SCFD2: variants seen among roughly 807,000 people sequenced by gnomAD.
SCFD2 encodes sec1 family domain-containing protein 2.
A neutral mutation model predicts 58.9 loss-of-function variants in SCFD2; 54 were observed. The observed-to-expected ratio is 0.92, with a 90% CI of 0.74 to 1.15. SCFD2 has a LOEUF of 1.15. Ranked by LOEUF, SCFD2 falls within the 50% of genes most tolerant of loss-of-function variation. The probability of loss-of-function intolerance (pLI) is 0.00; values close to 1 mark genes in which losing one functional copy is unlikely to be tolerated. For synonymous variants in SCFD2, 321 were observed against 335.9 expected (o/e 0.96, Z 0.49); for missense variants, 805 against 836.6 (o/e 0.96, Z 0.47).
chr4:53,343,389 C>A (rs1733948059), intron 2 of SCFD2, among the ~76,000 whole-genome samples: 1 of 152,112 alleles, frequency 6.6e-6, no homozygotes. Flanking sequence ...TACACCCTCC[C>A]AAGACTAAAC....
At position 53,282,933 on chromosome 4, in the gene SCFD2, T is replaced by C. The variant is rs372570510; in HGVS notation, c.1136-8932A>G. On this transcript the variant is annotated intron_variant, in intron 3 of 8. Coordinates refer to ENST00000401642, the MANE Select transcript of SCFD2 (RefSeq NM_152540.4). Reference sequence around the variant, plus strand: ...TCCCACCTCGATAAGAGGCTTTTCTTGGAATATCTGAAAAGGCTCTGAGCA... The same window carrying C: ...TCCCACCTCGATAAGAGGCTTTTCTCGGAATATCTGAAAAGGCTCTGAGCA... Among the ~76,000 whole-genome samples, 136 of 152,268 alleles carry C rather than the reference T, an allele frequency of 8.9e-4. 2 individuals carry two copies. In the South Asian group the frequency reaches 0.028, roughly 31 times the overall value.
chr4:52,932,746 T>TC (rs1417020080), intron 5 of SCFD2, among the ~76,000 whole-genome samples: 1 of 151,976 alleles, frequency 6.6e-6, no homozygotes, highest in Non-Finnish European at 1.5e-5. Context: ...CTTTCTCCCC[T>TC]CCCCCAACAC....
In SCFD2 at chr4:52,885,870, C is replaced by T. The variant is rs1289432484; in HGVS notation, c.1843-4G>A. 6.2e-7 allele frequency: 1 copy of T among 1,613,858 alleles called. No individual in the cohort carries two copies. The highest frequency in any genetic ancestry group is 1.7e-5 in the Admixed American group (1 of 60,010). On this transcript the variant is annotated splice_region_variant and splice_polypyrimidine_tract_variant and intron_variant, in intron 7 of 8. Coordinates refer to ENST00000401642, the MANE Select transcript of SCFD2 (RefSeq NM_152540.4). ...CACTAGGATGAGGCCGGCTCACCTG[C>T]AAAACAAAACACCAGCAATATCAGA... is the stretch of plus-strand genomic sequence containing the variant.
intron 2 of SCFD2, among the ~76,000 whole-genome samples, chr4:53,330,270 A>G (rs995556567): frequency 2.0e-5 from 3 of 152,024 alleles, no homozygotes; most frequent in Non-Finnish European, 4.4e-5. Flanking sequence ...CCTCAAGAAG[A>G]GCAACTCCAA....
intron 5 of SCFD2, among the ~76,000 whole-genome samples, chr4:53,095,272 C>A (rs879321941): frequency 2.6e-5 from 4 of 152,102 alleles, no homozygotes; most frequent in Admixed American, 6.6e-5. Context: ...CCTTAAAAAC[C>A]GGCTCACACA....
chr4:53,262,327 C>T (rs938074552), intron 4 of SCFD2, among the ~76,000 whole-genome samples: 64 of 151,646 alleles, frequency 4.2e-4, no homozygotes, highest in South Asian at 4.2e-4. Context: ...TTTTTCCCAT[C>T]GTGTTATTGT....
intron 5 of SCFD2, chr4:52,948,987 T>G (rs1410364867): frequency 1.3e-5 from 2 of 154,182 alleles, no homozygotes; most frequent in Non-Finnish European, 2.9e-5. Flanking sequence ...GCAAAAAGCC[T>G]TCTGGAGGAG....
At chr4:53,075,280 T>A (rs1172486475) in intron 5 of SCFD2, among the ~76,000 whole-genome samples, 2 of 152,248 alleles carry the variant, frequency 1.3e-5, no homozygotes, top group Admixed American at 1.3e-4. Context: ...GGGCTTGCTC[T>A]GGCTTAAGCT....
chr4:53,126,338 G>A (rs1339647559), intron 5 of SCFD2, among the ~76,000 whole-genome samples: 1 of 152,142 alleles, frequency 6.6e-6, no homozygotes, highest in Non-Finnish European at 1.5e-5. Context: ...TTTTTTGTTT[G>A]TTTTGAGACA....
Position 53,365,472 on chromosome 4 carries a change from G to A in SCFD2, c.470C>T (p.Pro157Leu). 1 of 1,614,136 alleles carries A rather than the reference G, an allele frequency of 6.2e-7. No individual in the cohort carries two copies. Among genetic ancestry groups the A allele is most frequent in the Non-Finnish European group, 8.5e-7 (1 of 1,180,030 alleles). ...GGGAGCAACAGGGGCAAGCAATAAC[G>A]GGACATGGAACACCTCGGCCGTGTA... is the stretch of plus-strand genomic sequence containing the variant. The part of the protein sequence containing the change: ...MNYTAEVFHV[P>L]LLLAPVAPHF... The change falls in exon 1 of 9, where the codon CCG becomes CTG. Residue 157 changes from proline (P) to leucine (L), a missense_variant. Coordinates refer to ENST00000401642, the MANE Select transcript of SCFD2 (RefSeq NM_152540.4). The surrounding 1 kb of genome is among the most constrained non-coding windows in gnomAD (Gnocchi z 4.3).
chr4:52,898,486 G>A lies in SCFD2; in HGVS notation c.1842+8971C>T, dbSNP rs181139892. 7.2e-5 allele frequency among the ~76,000 whole-genome samples: 11 copies of A among 152,300 alleles called. No homozygotes were observed. In the East Asian group the frequency reaches 2.1e-3, roughly 29 times the overall value. On this transcript the variant is annotated intron_variant, in intron 7 of 8. Transcript: ENST00000401642. ...TTTTGAGTGAGTTTCTTAATCCTGA[G>A]TTCTAGTTTGATTGCACTGTGGTCT...
chr4:53,238,929 C>T (rs1729788598), intron 4 of SCFD2, among the ~76,000 whole-genome samples: 1 of 152,020 alleles, frequency 6.6e-6, no homozygotes, highest in South Asian at 2.1e-4. Context: ...GGCGGCCAGG[C>T]AGAGATGCTC....
intron 5 of SCFD2, among the ~76,000 whole-genome samples, chr4:52,929,181 CCTT>C (rs1290132094): frequency 6.6e-6 from 1 of 152,100 alleles, no homozygotes; most frequent in Non-Finnish European, 1.5e-5. Context: ...TTATTATTCT[CCTT>C]CTCTGTTTTA....
At chr4:53,012,385 CA>C (rs1439799793) in intron 5 of SCFD2, among the ~76,000 whole-genome samples, 7 of 151,992 alleles carry the variant, frequency 4.6e-5, no homozygotes, top group Admixed American at 1.3e-4. Flanking sequence ...CTCACACACA[CA>C]CACACACACA....
intron 4 of SCFD2, among the ~76,000 whole-genome samples, chr4:53,187,663 G>C (rs1727777135): frequency 6.6e-6 from 1 of 151,942 alleles, no homozygotes. Flanking sequence ...TGATATAACA[G>C]CTTATTATAT....
Position 53,346,780 on chromosome 4 carries a change from T to C in SCFD2, c.1007+5818A>G, listed in dbSNP as rs1734069907. On this transcript the variant is annotated intron_variant, in intron 2 of 8. Coordinates refer to ENST00000401642, the MANE Select transcript of SCFD2 (RefSeq NM_152540.4). ...AAAGTGAAGAGCAGTTCAGTGAGGA[T>C]GGAGGACAATATAAGGGAGAGAAGC... is the stretch of plus-strand genomic sequence containing the variant. 3.3e-5 allele frequency among the ~76,000 whole-genome samples: 5 copies of C among 152,178 alleles called. No homozygotes were observed. In the South Asian group the frequency reaches 1.0e-3, roughly 32 times the overall value.
intron 5 of SCFD2, among the ~76,000 whole-genome samples, chr4:53,017,977 C>T (rs766222085): frequency 6.6e-6 from 1 of 152,204 alleles, no homozygotes; most frequent in Non-Finnish European, 1.5e-5. Context: ...TATAGAACAG[C>T]ACACTGCTAA....
At chr4:53,034,736 G>A (rs1722713342) in intron 5 of SCFD2, among the ~76,000 whole-genome samples, 3 of 151,886 alleles carry the variant, frequency 2.0e-5, no homozygotes, top group Middle Eastern at 3.2e-3. Context: ...TGCTACAAAG[G>A]GAATAAAATA....
In SCFD2 at chr4:53,149,003, AT is replaced by A. The variant is rs1560358060; in HGVS notation, c.1312-3422del. Among the ~76,000 whole-genome samples, 3 of 152,262 alleles carry A rather than the reference AT, an allele frequency of 2.0e-5. No homozygotes were observed. In the East Asian group the frequency reaches 5.8e-4, roughly 29 times the overall value. On this transcript the variant is annotated intron_variant, in intron 4 of 8. Transcript: ENST00000401642. ...AGAGCAAGACCCTGTCTCTAAAAAA[AT>A]TTTTTTTTAATGCTCAAAGAAGAAA...
Sources: gnomAD v4.1 joint callset for allele counts (sites outside exome capture counted in the v4.1 genomes callset) on GRCh38, gnomAD v4.1.1 for gene constraint, Gnocchi (gnomAD v3.1) non-coding constraint, MANE v1.5 for transcripts, NCBI Gene and HGNC (gene_info 2026-07-23, HGNC 2026-07-21) for gene names.